CMSS1: variants seen among roughly 807,000 people sequenced by gnomAD.
CMSS1 encodes the protein protein CMSS1.
CMSS1 carries 33 observed loss-of-function variants against 43.5 expected under a neutral mutation model. The observed-to-expected ratio is 0.76, with a 90% CI of 0.57 to 1.01. The LOEUF (loss-of-function observed/expected upper bound fraction) is 1.01, where lower values mean the gene tolerates loss of function less well. Among genes scored for constraint, CMSS1 ranks in the 50% least tolerant of loss-of-function variants. CMSS1 has a pLI of 0.00. For synonymous variants in CMSS1, 115 were observed against 117.2 expected, an observed-to-expected ratio of 0.98 and a Z score of 0.12; for missense variants, 313 against 326.4, an observed-to-expected ratio of 0.96 and a Z score of 0.32.
At chr3:100,027,103 G>A (rs2064938239) in intron 1 of CMSS1, among the ~76,000 whole-genome samples, 1 of 152,010 alleles carries the variant, frequency 6.6e-6, no homozygotes. Context: ...AGTGAAACCT[G>A]CCTTGGACAC....
At chr3:100,151,775 C>T (rs967952319) in intron 2 of CMSS1, among the ~76,000 whole-genome samples, 4 of 152,142 alleles carry the variant, frequency 2.6e-5, no homozygotes, top group Non-Finnish European at 5.9e-5. Flanking sequence ...TATATCCCTT[C>T]AATGTGCAGA....
chr3:99,953,282 T>C (rs568990187), intron 1 of CMSS1, among the ~76,000 whole-genome samples: 1 of 152,306 alleles, frequency 6.6e-6, no homozygotes, highest in South Asian at 2.1e-4. Flanking sequence ...GACCTGCTTC[T>C]ACCTTCTACC....
At chr3:100,033,050 A>G (rs1490389606) in intron 1 of CMSS1, among the ~76,000 whole-genome samples, 1 of 151,982 alleles carries the variant, frequency 6.6e-6, no homozygotes, top group Non-Finnish European at 1.5e-5. Context: ...ACCATTGATG[A>G]GACATGGTAA....
chr3:99,889,796 A>G (rs1457858507), intron 1 of CMSS1, among the ~76,000 whole-genome samples: 1 of 151,986 alleles, frequency 6.6e-6, no homozygotes, highest in Non-Finnish European at 1.5e-5. Flanking sequence ...CAGTATATTA[A>G]TCCTCCTCCA....
At chr3:100,009,029 C>G (rs1382236298) in intron 1 of CMSS1, among the ~76,000 whole-genome samples, 1 of 152,134 alleles carries the variant, frequency 6.6e-6, no homozygotes, top group Non-Finnish European at 1.5e-5. Flanking sequence ...AAACCTTTAC[C>G]ATAGTTGCTA....
rs137927202 is a variant in CMSS1 at position 99,939,741 on chromosome 3, T to C, written c.64+121698T>C. Among the ~76,000 whole-genome samples the C allele has an allele frequency of 1.9e-4, 29 of 152,318 alleles. 1 individual carries two copies. In the East Asian group the frequency reaches 5.2e-3, roughly 27 times the overall value. ...CAGGTGAATGCTTGTAATGATACCTTTCACATGCATGTTTCTTGATACATC... is the reference window on the plus strand; with the variant it reads ...CAGGTGAATGCTTGTAATGATACCTCTCACATGCATGTTTCTTGATACATC... On this transcript the variant is annotated intron_variant, in intron 1 of 9. Coordinates refer to ENST00000421999, the MANE Select transcript of CMSS1 (RefSeq NM_032359.4).
chr3:99,987,249 C>T (rs1448906214), intron 1 of CMSS1, among the ~76,000 whole-genome samples: 2 of 148,150 alleles, frequency 1.3e-5, no homozygotes, highest in East Asian at 4.0e-4. Context: ...AAAAAAAAGG[C>T]CAGGCACAGT....
chr3:99,955,306 A>G (rs963977117), intron 1 of CMSS1, among the ~76,000 whole-genome samples: 1 of 152,250 alleles, frequency 6.6e-6, no homozygotes, highest in African/African-American at 2.4e-5. Context: ...AGAGTTGTAA[A>G]TGACAAGGAG....
Position 99,916,437 on chromosome 3 carries a change from TACACACACACACACACACACACAC to T in CMSS1, c.64+98419_64+98442del, listed in dbSNP as rs10529210. ...GCCAACACTTTATAATAACGGTTTA[TACACACACACACACACACACACAC>T]ACACACACACACACACACACACACG... On this transcript the variant is annotated intron_variant, in intron 1 of 9. Coordinates refer to ENST00000421999, the MANE Select transcript of CMSS1 (RefSeq NM_032359.4). 2.8e-4 allele frequency among the ~76,000 whole-genome samples: 39 copies of T among 137,180 alleles called. No homozygotes were observed. The South Asian group carries it at 7.6e-3, about 27-fold the overall frequency. The allele number at this position is 137,180 out of a possible 152,430, so 90.0% of individuals were successfully genotyped here.
intron 1 of CMSS1, among the ~76,000 whole-genome samples, chr3:99,833,734 T>C (rs1476099807): frequency 1.3e-5 from 2 of 152,154 alleles, no homozygotes; most frequent in African/African-American, 2.4e-5. Context: ...GCTCTAGAGG[T>C]TGAGAAGTTG....
chr3:99,909,137 G>A (rs535043894), intron 1 of CMSS1, among the ~76,000 whole-genome samples: 1 of 152,336 alleles, frequency 6.6e-6, no homozygotes, highest in African/African-American at 2.4e-5. Context: ...TGGCTAAAGT[G>A]TCATAATTTA....
intron 1 of CMSS1, chr3:100,114,885 T>TG: frequency 1.6e-6 from 2 of 1,240,762 alleles, no homozygotes; most frequent in Admixed American, 4.1e-5. Flanking sequence ...CATTCGCTAT[T>TG]ATTAACGCTG....
At chr3:100,141,597 A>C (rs2066805315) in intron 1 of CMSS1, 1 of 455,746 alleles carries the variant, frequency 2.2e-6, no homozygotes. Context: ...AATGATGGGA[A>C]ACTGAACTTC....
chr3:99,933,004 C>G (rs1409746473), intron 1 of CMSS1, among the ~76,000 whole-genome samples: 1 of 152,166 alleles, frequency 6.6e-6, no homozygotes, highest in Admixed American at 6.5e-5. Context: ...TTAGCTCATT[C>G]AAGTCTCACA....
At chr3:100,135,440 G>A (rs1396058626) in intron 1 of CMSS1, among the ~76,000 whole-genome samples, 3 of 25,020 alleles carry the variant, frequency 1.2e-4, no homozygotes, top group South Asian at 1.8e-3. Context: ...GTGTGTGCAT[G>A]TGTGTGTGTG....
At chr3:99,909,295 G>A (rs1051456845) in intron 1 of CMSS1, among the ~76,000 whole-genome samples, 13 of 152,144 alleles carry the variant, frequency 8.5e-5, no homozygotes, top group Admixed American at 7.9e-4. Context: ...GTTTGGTGGT[G>A]CTACCTGCAA....
chr3:100,133,104 A>G (rs940617847), intron 1 of CMSS1, among the ~76,000 whole-genome samples: 1 of 152,126 alleles, frequency 6.6e-6, no homozygotes, highest in African/African-American at 2.4e-5. Context: ...AAACAGAAAT[A>G]TATAAATGTT....
At chr3:100,002,264 T>G (rs1321539385) in intron 1 of CMSS1, among the ~76,000 whole-genome samples, 1 of 152,248 alleles carries the variant, frequency 6.6e-6, no homozygotes, top group African/African-American at 2.4e-5. Context: ...GCATCTCTTT[T>G]AAGTTATGAA....
chr3:100,005,681 C>G (rs903462979), intron 1 of CMSS1, among the ~76,000 whole-genome samples: 19 of 152,160 alleles, frequency 1.2e-4, no homozygotes, highest in African/African-American at 4.3e-4. Flanking sequence ...CTTTGAAACT[C>G]TTAGAGAAAT....
Sources: gnomAD v4.1 joint callset for allele counts (sites outside exome capture counted in the v4.1 genomes callset) on GRCh38, gnomAD v4.1.1 for gene constraint, MANE v1.5 for transcripts, NCBI Gene and HGNC (gene_info 2026-07-23, HGNC 2026-07-21) for gene names.